ACTR6: variants seen among roughly 807,000 people sequenced by gnomAD.
ACTR6 encodes actin related protein 6, also known as actin-related protein 6.
A neutral mutation model predicts 52.5 loss-of-function variants in ACTR6; 50 were observed. That is an observed-to-expected ratio of 0.95 (90% confidence interval 0.76 to 1.20). The LOEUF is 1.20. Ranked by LOEUF, ACTR6 falls within the 50% of genes most tolerant of loss-of-function variation. The pLI is 0.00. For missense variants in ACTR6, 344 were observed against 472.4 expected, an observed-to-expected ratio of 0.73 and a Z score of 2.52; for synonymous variants, 135 against 147.2, an observed-to-expected ratio of 0.92 and a Z score of 0.60.
chr12:100,212,719 A>G (rs1389236780), intron 8 of ACTR6, among the ~76,000 whole-genome samples, 191 bp downstream of exon 8: 4 of 152,104 alleles, frequency 2.6e-5, no homozygotes, highest in Admixed American at 2.0e-4. Context: ...AAAGAATTTC[A>G]TTTAGGCCAG....
intron 6 of ACTR6, among the ~76,000 whole-genome samples, chr12:100,211,910 A>G (rs1270240264): frequency 6.6e-6 from 1 of 152,178 alleles, no homozygotes; most frequent in Non-Finnish European, 1.5e-5. Flanking sequence ...GCAATACTTA[A>G]TATAATCAGA....
At chr12:100,213,327 A>C (rs1384224694) in intron 8 of ACTR6, among the ~76,000 whole-genome samples, 1 of 152,112 alleles carries the variant, frequency 6.6e-6, no homozygotes, top group Non-Finnish European at 1.5e-5. Flanking sequence ...TCCTGGGCTC[A>C]AATGATCCTC....
intron 3 of ACTR6, among the ~76,000 whole-genome samples, chr12:100,206,762 G>A (rs1367569217): frequency 1.3e-5 from 2 of 150,946 alleles, no homozygotes; most frequent in African/African-American, 4.9e-5. Flanking sequence ...TCTGCCTCCT[G>A]GGTTCAAGTG....
At chr12:100,213,868 C>A (rs1421220102) in intron 8 of ACTR6, among the ~76,000 whole-genome samples, 1 of 152,150 alleles carries the variant, frequency 6.6e-6, no homozygotes, top group Admixed American at 6.6e-5. Flanking sequence ...AGTTAAAAAT[C>A]TTTGGTCAGA....
At chr12:100,213,772 T>C (rs2096121876) in intron 8 of ACTR6, among the ~76,000 whole-genome samples, 1 of 152,234 alleles carries the variant, frequency 6.6e-6, no homozygotes, top group East Asian at 1.9e-4. Flanking sequence ...TATTTATCTT[T>C]TATCAGCTCA....
chr12:100,218,308 TTAATA>T lies in ACTR6; in HGVS notation c.751-104_751-100del. The T allele has an allele frequency of 1.5e-6, 1 of 661,446 alleles. No homozygotes were observed. The highest frequency in any genetic ancestry group is 2.1e-6 in the Non-Finnish European group (1 of 470,860). The allele number at this position is 661,446 out of a possible 1,614,324, so 41.0% of individuals were successfully genotyped here. A position where few individuals can be genotyped will look rare whatever the true frequency, so the allele number is the denominator to read the frequency against. On this transcript the variant is annotated intron_variant, in intron 8 of 10. Transcript: ENST00000188312. This position sits in a 1 kb window ranked among gnomAD's most constrained non-coding sequence, Gnocchi z 4.2. The stretch of plus-strand genomic sequence containing the variant: ...AATCCTGAAACTTCCAAGAACATTA[TTAATA>T]TATTATTAATATATTATTGCATATA...
At chr12:100,203,188 A>C (rs1253326033) in intron 1 of ACTR6, among the ~76,000 whole-genome samples, 1 of 152,070 alleles carries the variant, frequency 6.6e-6, no homozygotes, top group Non-Finnish European at 1.5e-5. Context: ...ACCTCTTGCT[A>C]TGAAGGCTTG....
chr12:100,211,709 A>AT (rs1320866471), intron 6 of ACTR6, among the ~76,000 whole-genome samples: 1 of 152,040 alleles, frequency 6.6e-6, no homozygotes, highest in East Asian at 1.9e-4. Context: ...ACATTTAGCC[A>AT]TTTTTTCATT....
chr12:100,207,945 G>A (rs775186920), intron 4 of ACTR6, 159 bp downstream of exon 4: 2 of 683,470 alleles, frequency 2.9e-6, no homozygotes, highest in Non-Finnish European at 2.4e-6. Flanking sequence ...TAGATCACTT[G>A]AGTTTAGGAT....
chr12:100,206,675 CT>C (rs985988536), intron 3 of ACTR6, among the ~76,000 whole-genome samples: 170 of 139,670 alleles, frequency 1.2e-3, no homozygotes, highest in Middle Eastern at 7.3e-3. Flanking sequence ...TTTTTTTTTT[CT>C]TTTTTTTTTT....
intron 1 of ACTR6, among the ~76,000 whole-genome samples, chr12:100,202,951 T>C (rs1357554048): frequency 6.6e-6 from 1 of 152,180 alleles, no homozygotes; most frequent in East Asian, 1.9e-4. Flanking sequence ...TGGAAGACAA[T>C]TTTAACGTGT....
intron 4 of ACTR6, 185 bp downstream of exon 4, chr12:100,207,971 G>A (rs2096116375): frequency 1.9e-6 from 1 of 526,110 alleles, no homozygotes; most frequent in South Asian, 1.9e-5. Context: ...ATCAGCCTGG[G>A]CAGCATGGTG....
At chr12:100,201,964 C>G (rs2096110118) in intron 1 of ACTR6, among the ~76,000 whole-genome samples, 1 of 149,216 alleles carries the variant, frequency 6.7e-6, no homozygotes, top group Non-Finnish European at 1.5e-5. Flanking sequence ...GGGAGTCTGG[C>G]TCTCTTGTCC....
chr12:100,204,916 A>G, intron 1 of ACTR6, 24 bp from the exon 2 acceptor site: 1 of 1,451,320 alleles, frequency 6.9e-7, no homozygotes, highest in Non-Finnish European at 9.6e-7. Flanking sequence ...TTTAGGGGAT[A>G]ATTATTTGTT....
Position 100,224,057 on chromosome 12 carries a change from A to G in ACTR6, c.*142A>G, listed in dbSNP as rs1255977300. On this transcript the variant is annotated 3_prime_UTR_variant, in exon 11 of 11. Transcript: ENST00000188312. ...TACTTTGATCGATTGCTAATTTTCA[A>G]AGGCTTCTTAGGTAGGTTACTACAG... The G allele has an allele frequency of 1.5e-5, 14 of 936,794 alleles. No homozygotes were observed. Among genetic ancestry groups the G allele is most frequent in the Non-Finnish European group, 2.0e-5 (13 of 662,666 alleles). 58.0% of individuals were successfully genotyped at this position (936,794 alleles called of 1,614,324 possible). A position where few individuals can be genotyped will look rare whatever the true frequency, so the allele number is the denominator to read the frequency against.
Position 100,205,045 on chromosome 12 carries a change from C to G in ACTR6, c.174C>G (p.Leu58=). ...IKDPSGLFYI[L]PFQKGYLVNW... ...ACCCTTCTGGACTCTTTTACATCCT[C>G]CCTTTTCAAAAGGTAATCCAATTAA... The change falls in exon 2 of 11, where the codon CTC becomes CTG. Residue 58 remains leucine, a synonymous_variant. Transcript: ENST00000188312. The G allele has an allele frequency of 6.4e-7, 1 of 1,570,834 alleles. No homozygotes were observed. Among genetic ancestry groups the G allele is most frequent in the Non-Finnish European group, 8.7e-7 (1 of 1,149,088 alleles).
chr12:100,202,220 C>T (rs1291022421), intron 1 of ACTR6, among the ~76,000 whole-genome samples: 2 of 152,144 alleles, frequency 1.3e-5, no homozygotes, highest in East Asian at 1.9e-4. Flanking sequence ...TGTGAGCCAC[C>T]GCACCGGGCC....
chr12:100,219,653 C>A (rs901852600), intron 9 of ACTR6, among the ~76,000 whole-genome samples: 12 of 152,156 alleles, frequency 7.9e-5, no homozygotes, highest in African/African-American at 2.9e-4. Context: ...AACCACCCCC[C>A]TTCCATTTTA....
In ACTR6 at chr12:100,212,347, A is replaced by G. The variant is rs140734277; in HGVS notation, c.664A>G (p.Ile222Val). ...TCAGGATTTTTATAGAGACATGGATATTGCAAAGTATGTATAATGACAATC... is the reference window on the plus strand; with the variant it reads ...TCAGGATTTTTATAGAGACATGGATGTTGCAAAGTATGTATAATGACAATC... The part of the protein sequence containing the change: ...VSQDFYRDMD[I>V]AKLKGEENTV... Residue 222 changes from isoleucine (I) to valine (V), a missense_variant, in exon 7 of 11, where the codon ATT (isoleucine) becomes GTT (valine). Transcript: ENST00000188312. 4 of 1,605,878 alleles carry G rather than the reference A, an allele frequency of 2.5e-6. No homozygotes were observed. The African/African-American group carries it at 5.4e-5, about 22-fold the overall frequency.
Sources: allele counts gnomAD v4.1 joint callset (sites outside exome capture counted in the v4.1 genomes callset), GRCh38; gene constraint gnomAD v4.1.1; non-coding constraint Gnocchi (gnomAD v3.1); transcripts MANE v1.5; gene names NCBI Gene and HGNC (gene_info 2026-07-23, HGNC 2026-07-21).